CNBD2: variants seen among roughly 807,000 people sequenced by gnomAD.
The protein encoded by CNBD2 is cyclic nucleotide binding domain containing 2.
Under a neutral mutation model 63.7 loss-of-function variants are expected in CNBD2, and 64 were observed. The ratio of observed to expected loss-of-function variants is 1.00; its 90% CI spans 0.82 to 1.24. CNBD2 has a LOEUF of 1.24. Among genes scored for constraint, CNBD2 ranks in the 50% most tolerant of loss-of-function variants. The pLI is 0.00. For synonymous variants in CNBD2, 229 were observed against 255.4 expected (o/e 0.90, Z 0.99); for missense variants, 691 against 713.5 (o/e 0.97, Z 0.36).
At chr20:35,991,920 GC>G (rs2147264415) in intron 7 of CNBD2, among the ~76,000 whole-genome samples, 1 of 151,086 alleles carries the variant, frequency 6.6e-6, no homozygotes, top group East Asian at 1.9e-4. Context: ...CATTCCTGTC[GC>G]CCAGGCTGGA....
upstream of CNBD2, among the ~76,000 whole-genome samples, chr20:35,966,783 A>C (rs1036310495): frequency 6.6e-6 from 1 of 152,146 alleles, no homozygotes; most frequent in Non-Finnish European, 1.5e-5. Context: ...CCAGCCTAGA[A>C]GCCTCCCGCT....
In CNBD2 at chr20:36,011,250, A is replaced by C. The variant is rs1311384366; in HGVS notation, c.1262A>C (p.Glu421Ala). The C allele has an allele frequency of 6.4e-7, 1 of 1,557,366 alleles. No individual in the cohort carries two copies. ...YVKVHTVEQG[E>A]ILGLHQAFLP... Reference sequence around the variant, plus strand: ...AAGGTGCACACTGTGGAGCAGGGAGAAATTTTGGTGAGTGTGCCAAGAGCT... The same window carrying C: ...AAGGTGCACACTGTGGAGCAGGGAGCAATTTTGGTGAGTGTGCCAAGAGCT... Residue 421 changes from glutamate (E) to alanine (A), a missense_variant, in exon 10 of 12, where the codon GAA becomes GCA. By Grantham distance (107) the Glu-to-Ala change is moderately radical (BLOSUM62 -1). Transcript: ENST00000373973.
rs142594654 is a variant in CNBD2 at position 35,968,942 on chromosome 20, C to T, written c.51+129C>T. 92 of 672,478 alleles carry T rather than the reference C, an allele frequency of 1.4e-4. 2 individuals are homozygous for T. The East Asian group carries it at 2.7e-3, about 20-fold the overall frequency. 41.7% of individuals were successfully genotyped at this position (672,478 alleles called of 1,614,324 possible). On this transcript the variant is annotated intron_variant, in intron 1 of 11. Coordinates refer to ENST00000373973, the MANE Select transcript of CNBD2 (RefSeq NM_001365709.1). Reference sequence around the variant, plus strand: ...GGCCATCCTGTACCTTTTGGAGTCACAGCATGGCACAAAGGAGGGACCCCT... The same window carrying T: ...GGCCATCCTGTACCTTTTGGAGTCATAGCATGGCACAAAGGAGGGACCCCT...
At chr20:35,958,022 T>A (rs2056273342), downstream of CNBD2, among the ~76,000 whole-genome samples, 2 of 152,224 alleles carry the variant, frequency 1.3e-5, no homozygotes, top group African/African-American at 4.8e-5. Flanking sequence ...CCCAGACTCT[T>A]TCAGAGACCT....
chr20:35,964,695 A>C (rs1601004326), upstream of CNBD2, among the ~76,000 whole-genome samples: 1 of 141,520 alleles, frequency 7.1e-6, no homozygotes. Flanking sequence ...GCACCCAACC[A>C]CCTCTTCATA....
intron 8 of CNBD2, among the ~76,000 whole-genome samples, chr20:36,004,394 C>G (rs2147306298): frequency 6.6e-6 from 1 of 152,298 alleles, no homozygotes; most frequent in East Asian, 1.9e-4. Context: ...CCTCCCCTGA[C>G]TATGTCTTCT....
chr20:35,972,127 T>A (rs2056427842), intron 1 of CNBD2, among the ~76,000 whole-genome samples: 1 of 152,230 alleles, frequency 6.6e-6, no homozygotes, highest in Non-Finnish European at 1.5e-5. Context: ...CATTCCTTTC[T>A]CAAGGCTCAC....
chr20:35,998,240 C>T (rs149433419), intron 8 of CNBD2, among the ~76,000 whole-genome samples: 1 of 151,914 alleles, frequency 6.6e-6, no homozygotes, highest in East Asian at 2.0e-4. Flanking sequence ...GGGGTTTCAG[C>T]ATGTTGGCCA....
intron 6 of CNBD2, 56 bp from the exon 7 acceptor site, chr20:35,987,339 A>C: frequency 6.2e-7 from 1 of 1,603,140 alleles, no homozygotes; most frequent in Non-Finnish European, 8.5e-7. Flanking sequence ...CAGATTGCTA[A>C]GGTCTGGGCA....
intron 11 of CNBD2, among the ~76,000 whole-genome samples, chr20:36,024,303 C>A (rs2057257268): frequency 6.6e-6 from 1 of 151,944 alleles, no homozygotes; most frequent in Non-Finnish European, 1.5e-5. Context: ...TCACTGCACT[C>A]CAGCCTGGGT....
intron 1 of CNBD2, 65 bp downstream of exon 1, chr20:35,968,878 A>C: frequency 8.0e-7 from 1 of 1,247,446 alleles, no homozygotes; most frequent in Non-Finnish European, 1.2e-6. Flanking sequence ...GTTTTGAGGA[A>C]GGTCGATGCA....
intron 7 of CNBD2, among the ~76,000 whole-genome samples, chr20:35,991,920 G>A (rs1427393161): frequency 7.9e-5 from 12 of 151,086 alleles, no homozygotes; most frequent in Middle Eastern, 3.4e-3. Context: ...CATTCCTGTC[G>A]CCCAGGCTGG....
intron 2 of CNBD2, 126 bp downstream of exon 2, chr20:35,972,892 G>T: frequency 1.1e-6 from 1 of 869,588 alleles, no homozygotes; most frequent in Non-Finnish European, 1.8e-6. Context: ...AGACCCAATG[G>T]TCACTTTTAT....
upstream of CNBD2, chr20:35,954,605 G>GCGGGAC (rs777154471): frequency 1.5e-6 from 2 of 1,378,444 alleles, no homozygotes; most frequent in South Asian, 1.3e-5. Flanking sequence ...CCCTCGCGGT[G>GCGGGAC]CGGGAGGGCG....
chr20:35,958,258 C>T (rs1012442575), downstream of CNBD2, among the ~76,000 whole-genome samples: 2 of 151,976 alleles, frequency 1.3e-5, no homozygotes, highest in Non-Finnish European at 2.9e-5. Context: ...TAGTGAAATC[C>T]CATATCTACT....
chr20:35,954,927 C>T (rs569493167), exon 1 of CNBD2: 14 of 236,436 alleles, frequency 5.9e-5, no homozygotes, highest in South Asian at 4.4e-4. Context: ...CGGGAGGGGC[C>T]CATCTGGAGA....
chr20:35,994,097 C>A (rs1397389547), intron 7 of CNBD2, among the ~76,000 whole-genome samples: 1 of 150,498 alleles, frequency 6.6e-6, no homozygotes, highest in Non-Finnish European at 1.5e-5. Context: ...CAGAGTTTTG[C>A]TCTTGTTGCC....
chr20:36,012,332 GCCAGGTATGGTGGCAGGCACCTGAAATC>G (rs1353010319), intron 10 of CNBD2, among the ~76,000 whole-genome samples: 1 of 150,800 alleles, frequency 6.6e-6, no homozygotes, highest in Non-Finnish European at 1.5e-5. Context: ...AAACCAAAAA[GCCAGGTATGGTGGCAGGCACCTGAAATC>G]CCAGCTATTT....
intron 8 of CNBD2, among the ~76,000 whole-genome samples, chr20:36,007,062 G>A (rs954411401): frequency 2.0e-5 from 3 of 152,012 alleles, no homozygotes; most frequent in African/African-American, 7.2e-5. Context: ...GGTGGTGGGC[G>A]CCTGTAGTCC....
Sources: allele counts gnomAD v4.1 joint callset (sites outside exome capture counted in the v4.1 genomes callset), GRCh38; gene constraint gnomAD v4.1.1; transcripts MANE v1.5; gene names NCBI Gene and HGNC (gene_info 2026-07-23, HGNC 2026-07-21).